Variants in MVP observed in about 807,000 individuals in gnomAD.
MVP encodes lung resistance-related protein.
MVP carries 62 observed loss-of-function variants against 83.5 expected under a neutral mutation model. The ratio of observed to expected loss-of-function variants is 0.74; its 90% CI spans 0.61 to 0.92. MVP has a LOEUF of 0.92. Among genes scored for constraint, MVP ranks in the 40% least tolerant of loss-of-function variants. The pLI, the probability that MVP is intolerant of heterozygous loss-of-function variation, is 0.00. For synonymous variants in MVP, 505 were observed against 504.1 expected (o/e 1.00, Z -0.02); for missense variants, 1,000 against 1,203.4 (o/e 0.83, Z 2.50).
Position 29,833,750 on chromosome 16 carries a change from G to A in MVP, c.339G>A (p.Gln113=), listed in dbSNP as rs1360518277. 3.1e-6 allele frequency: 5 copies of A among 1,613,940 alleles called. No individual in the cohort carries two copies. Among genetic ancestry groups the A allele is most frequent in the Admixed American group, 1.7e-5 (1 of 59,976 alleles). ...CCCACTAGGACATCACACCCCTGCA[G>A]GTGGTTCTGCCCAACACTGCCCTCC... The part of the protein sequence containing the change: ...EVLEKDITPL[Q]VVLPNTALHL... Residue 113 remains glutamine (Q), a synonymous_variant, in exon 4 of 15, where the codon CAG becomes CAA. Transcript: ENST00000357402.
rs539582939 is a variant in MVP, at chr16:29,841,564, C to T, written c.1192-32C>T. 20 of 1,546,340 alleles carry T rather than the reference C, an allele frequency of 1.3e-5. No homozygotes were observed. Among genetic ancestry groups the T allele is most frequent in the East Asian group, 6.8e-5 (3 of 44,224 alleles). ...CGGATCTTCCTCCCTTCCACCCTTACGGGCAGCTTCCCTCCCTGTCCTCGT... is the reference window on the plus strand; with the variant it reads ...CGGATCTTCCTCCCTTCCACCCTTATGGGCAGCTTCCCTCCCTGTCCTCGT... On this transcript the variant is annotated intron_variant, in intron 8 of 14. Transcript: ENST00000357402. The surrounding 1 kb of genome is among the most constrained non-coding windows in gnomAD (Gnocchi z 4.7).
intron 4 of MVP, 27 bp from the exon 5 acceptor site, chr16:29,833,908 C>T (rs755453911): frequency 6.2e-7 from 1 of 1,614,096 alleles, no homozygotes; most frequent in East Asian, 2.2e-5. Flanking sequence ...GCCCTGATAC[C>T]TTCTGACCAT....
At position 29,844,551 on chromosome 16, in the gene MVP, C is replaced by T. The variant is rs748275129; in HGVS notation, c.1693C>T (p.Pro565Ser). Reference protein sequence around the residue: ...PQETAKLFSVPDFVGDACKAI... With the variant: ...PQETAKLFSVSDFVGDACKAI... The stretch of plus-strand genomic sequence containing the variant: ...AGAGACGGCCAAGCTCTTTTCAGTG[C>T]CAGACTTTGTAGGTGATGCCTGCAA... The change falls in exon 11 of 15, where the codon CCA (proline) becomes TCA (serine). Residue 565 changes from proline (P) to serine (S), a missense_variant. Physicochemically the swap from Pro to Ser is moderately conservative, Grantham distance 74. Transcript: ENST00000357402. 5.0e-6 allele frequency: 8 copies of T among 1,595,212 alleles called. No individual in the cohort carries two copies. Among genetic ancestry groups the T allele is most frequent in the Non-Finnish European group, 6.0e-6 (7 of 1,169,778 alleles).
At position 29,846,191 on chromosome 16, in the gene MVP, G is replaced by A. The variant is rs749354165; in HGVS notation, c.2172G>A (p.Ala724=). The A allele has an allele frequency of 3.1e-5, 50 of 1,608,468 alleles. No individual in the cohort carries two copies. Among genetic ancestry groups the A allele is most frequent in the Middle Eastern group, 1.7e-4 (1 of 5,868 alleles). ...MAVESTGTAK[A]EAESRAEAAR... ...TGGAGAGCACCGGGACTGCCAAGGC[G>A]GAGGCCGAGTCCCGTGCGGAGGCAG... is the stretch of plus-strand genomic sequence containing the variant. Residue 724 remains alanine (A), a synonymous_variant, in exon 13 of 15, where the codon GCG becomes GCA. Transcript: ENST00000357402.
intron 1 of MVP, among the ~76,000 whole-genome samples, chr16:29,825,774 G>A (rs1186089352): frequency 6.6e-6 from 1 of 152,192 alleles, no homozygotes; most frequent in Non-Finnish European, 1.5e-5. Flanking sequence ...GGGGGTGTTG[G>A]GGAGATTATC....
In MVP at chr16:29,834,025, G is replaced by T. The variant is rs758642200; in HGVS notation, c.536G>T (p.Arg179Leu). 2.5e-6 allele frequency: 4 copies of T among 1,613,848 alleles called. No individual in the cohort carries two copies. Among genetic ancestry groups the T allele is most frequent in the Non-Finnish European group, 3.4e-6 (4 of 1,179,928 alleles). The change falls in exon 5 of 15, where the codon CGC becomes CTC. Residue 179 changes from arginine to leucine, a missense_variant. Coordinates refer to ENST00000357402, the MANE Select transcript of MVP (RefSeq NM_005115.5). ...RQNQALRLRARKECWDRDGKE... is the reference protein window; with the variant it reads ...RQNQALRLRALKECWDRDGKE... ...AACCAGGCTCTGCGGCTCAGGGCCC[G>T]CAAGGAGTGCTGGGACCGGGACGGC...
At chr16:29,836,541 C>T (rs920870038) in intron 6 of MVP, among the ~76,000 whole-genome samples, 181 bp from the exon 7 acceptor site, 5 of 150,844 alleles carry the variant, frequency 3.3e-5, no homozygotes, top group African/African-American at 1.2e-4. Context: ...CGCACCTTTG[C>T]ACTCTAGCCT....
chr16:29,832,696 C>T lies in MVP; in HGVS notation c.322-1037C>T, dbSNP rs1012889505. Among the ~76,000 whole-genome samples the T allele has an allele frequency of 6.0e-5, 9 of 148,800 alleles. No homozygotes were observed. In the East Asian group the frequency reaches 1.0e-3, roughly 17 times the overall value. ...GCAGCCTCAACCTCCTGGGCTCAAA[C>T]GATCCTTCCACCTCATTCTCCCAAA... On this transcript the variant is annotated intron_variant, in intron 3 of 14. Transcript: ENST00000357402.
chr16:29,831,806 G>A (rs943680353), intron 3 of MVP: 2 of 440,574 alleles, frequency 4.5e-6, no homozygotes, highest in East Asian at 7.1e-5. Flanking sequence ...AGCCATCACA[G>A]GCCTGAACCT....
chr16:29,820,801 C>T (rs1448586429), intron 1 of MVP: 3 of 152,380 alleles, frequency 2.0e-5, no homozygotes, highest in African/African-American at 7.2e-5. Flanking sequence ...AGGGTCCCAC[C>T]TGGGAAATCA....
At chr16:29,836,267 C>CAAAAAA (rs989574046) in intron 6 of MVP, among the ~76,000 whole-genome samples, 1 of 55,110 alleles carries the variant, frequency 1.8e-5, no homozygotes. Flanking sequence ...AACCCTGTCT[C>CAAAAAA]AAAAAAAAAA....
intron 5 of MVP, 38 bp downstream of exon 5, chr16:29,834,104 GA>G (rs754627948): frequency 6.2e-7 from 1 of 1,604,496 alleles, no homozygotes; most frequent in East Asian, 2.2e-5. Flanking sequence ...GGGTGGGCAG[GA>G]GGGGTCCCCA....
chr16:29,832,490 G>A (rs1057237636), intron 3 of MVP, among the ~76,000 whole-genome samples: 1 of 150,854 alleles, frequency 6.6e-6, no homozygotes. Flanking sequence ...GTAGAGATGG[G>A]GTTTCACCGT....
At chr16:29,846,703 C>A (rs937444942) in intron 13 of MVP, among the ~76,000 whole-genome samples, 1 of 152,048 alleles carries the variant, frequency 6.6e-6, no homozygotes, top group East Asian at 1.9e-4. Flanking sequence ...ACTGAAAATA[C>A]AAAAAATTAG....
chr16:29,830,273 C>T, intron 1 of MVP: 2 of 323,806 alleles, frequency 6.2e-6, no homozygotes, highest in Non-Finnish European at 1.2e-5. Flanking sequence ...GCAAGGAACC[C>T]TGGGCCTCTG....
intron 1 of MVP, chr16:29,829,799 T>A (rs1037786457): frequency 6.6e-6 from 1 of 152,228 alleles, no homozygotes; most frequent in African/African-American, 2.4e-5. Context: ...GTGTTAGTAA[T>A]GCAGCTGGTT....
Position 29,831,080 on chromosome 16 carries a change from G to T in MVP, c.321+7G>T, listed in dbSNP as rs776122194. On this transcript the variant is annotated splice_region_variant and intron_variant, in intron 3 of 14. Transcript: ENST00000357402. ...AGGGGAGGTGCTGGAAAAGGTACCT[G>T]GTTTCCTCACTCCCTATGCCCCACC... 1.9e-5 allele frequency: 31 copies of T among 1,608,768 alleles called. No homozygotes were observed. The highest frequency in any genetic ancestry group is 2.5e-5 in the Non-Finnish European group (30 of 1,179,474).
intron 1 of MVP, chr16:29,826,129 T>TA (rs1446993485): frequency 6.6e-6 from 1 of 152,214 alleles, no homozygotes; most frequent in Non-Finnish European, 1.5e-5. Context: ...TTCCCTAGAT[T>TA]CCTCACTGGA....
chr16:29,832,729 G>A (rs1451257922), intron 3 of MVP, among the ~76,000 whole-genome samples: 1 of 151,530 alleles, frequency 6.6e-6, no homozygotes, highest in Non-Finnish European at 1.5e-5. Flanking sequence ...AAAATGCTGG[G>A]ATTGCAGGTG....
Sources: gnomAD v4.1 joint callset for allele counts (sites outside exome capture counted in the v4.1 genomes callset) on GRCh38, gnomAD v4.1.1 for gene constraint, Gnocchi (gnomAD v3.1) non-coding constraint, MANE v1.5 for transcripts, NCBI Gene and HGNC (gene_info 2026-07-23, HGNC 2026-07-21) for gene names.